POR: variants seen among roughly 807,000 people sequenced by gnomAD.
POR encodes NADPH--cytochrome P450 reductase.
A neutral mutation model predicts 84.0 loss-of-function variants in POR; 56 were observed. The ratio of observed to expected loss-of-function variants is 0.67; its 90% CI spans 0.54 to 0.83. The LOEUF is 0.83. Ranked by LOEUF, POR falls within the 40% of genes least tolerant of loss-of-function variation. The pLI is 0.00. For missense variants in POR, 938 were observed against 944.3 expected, an observed-to-expected ratio of 0.99 and a Z score of 0.09; for synonymous variants, 414 against 400.5, an observed-to-expected ratio of 1.03 and a Z score of -0.40.
At chr7:75,965,411 G>A (rs1414531709) in intron 2 of POR, among the ~76,000 whole-genome samples, 3 of 152,176 alleles carry the variant, frequency 2.0e-5, no homozygotes, top group Non-Finnish European at 2.9e-5. Context: ...CAAGGCTGAC[G>A]TTAGCACATG....
At chr7:75,933,597 C>A (rs1465938718) in intron 1 of POR, among the ~76,000 whole-genome samples, 2 of 151,914 alleles carry the variant, frequency 1.3e-5, no homozygotes, top group Non-Finnish European at 2.9e-5. Flanking sequence ...CACCATGTTG[C>A]CCAGGCTGGT....
At position 75,953,384 on chromosome 7, in the gene POR, A is replaced by G. The variant is rs189072674; in HGVS notation, c.-4-605A>G. On this transcript the variant is annotated intron_variant, in intron 1 of 15. Coordinates refer to ENST00000461988, the MANE Select transcript of POR (RefSeq NM_000941.3). The stretch of plus-strand genomic sequence containing the variant: ...AAAAAAAAAAAAAAGACTCCCAGGC[A>G]TAGGAAAGCAGGCATTCACCATAAA... Among the ~76,000 whole-genome samples, 257 of 151,726 alleles carry G rather than the reference A, an allele frequency of 1.7e-3. 12 individuals are homozygous for G. The South Asian group carries it at 0.048, about 28-fold the overall frequency.
intron 1 of POR, among the ~76,000 whole-genome samples, chr7:75,940,428 C>T (rs1204077749): frequency 6.6e-6 from 1 of 151,962 alleles, no homozygotes; most frequent in African/African-American, 2.4e-5. Flanking sequence ...AGCTGATTTC[C>T]CAATTTACGC....
chr7:75,965,501 A>T (rs1788138776), intron 2 of POR, among the ~76,000 whole-genome samples: 1 of 149,414 alleles, frequency 6.7e-6, no homozygotes, highest in African/African-American at 2.5e-5. Context: ...TGGCCACCCC[A>T]GCCCACCCCT....
intron 1 of POR, among the ~76,000 whole-genome samples, chr7:75,933,387 T>TTG (rs1807516298): frequency 1.1e-5 from 1 of 90,680 alleles, no homozygotes; most frequent in African/African-American, 8.5e-5. Flanking sequence ...TTTTTTTTTT[T>TTG]TTTTTTTTTT....
intron 5 of POR, chr7:75,980,695 A>G (rs1788966856): frequency 6.5e-7 from 1 of 1,529,112 alleles, no homozygotes; most frequent in Non-Finnish European, 8.8e-7. Context: ...AGTCGGCTCC[A>G]GGGGGCATTG....
At chr7:75,930,688 A>G (rs1807370590) in intron 1 of POR, among the ~76,000 whole-genome samples, 1 of 151,756 alleles carries the variant, frequency 6.6e-6, no homozygotes, top group African/African-American at 2.4e-5. Flanking sequence ...ACGCCCGTCT[A>G]ATTTTGTATT....
In POR at chr7:75,985,842, A is replaced by G. The variant is rs1554559203; in HGVS notation, c.1662A>G (p.Arg554=). ...TCATCCAGGAGCGGGCCTGGCTGCGACAGCAGGGTGAGTGGGGTCCCATGG... is the reference window on the plus strand; with the variant it reads ...TCATCCAGGAGCGGGCCTGGCTGCGGCAGCAGGGTGAGTGGGGTCCCATGG... Residue 554 remains arginine, a synonymous_variant, in exon 13 of 16, where the codon CGA becomes CGG. Transcript: ENST00000461988. The G allele has an allele frequency of 4.3e-5, 67 of 1,550,144 alleles. No individual in the cohort carries two copies. Among genetic ancestry groups the G allele is most frequent in the Non-Finnish European group, 5.7e-5 (65 of 1,144,334 alleles).
intron 1 of POR, among the ~76,000 whole-genome samples, chr7:75,937,408 G>A (rs1247866388): frequency 6.8e-6 from 1 of 146,126 alleles, no homozygotes. Context: ...GGAGGCGGAG[G>A]TTGCAGTGAG....
At chr7:75,953,006 C>G (rs1430355590) in intron 1 of POR, among the ~76,000 whole-genome samples, 4 of 152,194 alleles carry the variant, frequency 2.6e-5, no homozygotes, top group African/African-American at 9.7e-5. Flanking sequence ...GAGATCAAGC[C>G]ACTGCACTCC....
chr7:75,954,006 G>C lies in POR; in HGVS notation c.14G>C (p.Gly5Ala), dbSNP rs782818618. Residue 5 changes from glycine (G) to alanine (A), a missense_variant, in exon 2 of 16, where the codon GGA (glycine) becomes GCA (alanine). Physicochemically the swap from Gly to Ala is moderately conservative, Grantham distance 60 (BLOSUM62 0). Transcript: ENST00000461988. Reference sequence around the variant, plus strand: ...CCTAACAGTTTCATGATCAACATGGGAGACTCCCACGTGGACACCAGCTCC... The same window carrying C: ...CCTAACAGTTTCATGATCAACATGGCAGACTCCCACGTGGACACCAGCTCC... The C allele has an allele frequency of 6.3e-6, 10 of 1,597,992 alleles. No homozygotes were observed. The African/African-American group carries it at 1.3e-4, about 21-fold the overall frequency.
At chr7:75,966,690 T>C (rs1788197911) in intron 2 of POR, among the ~76,000 whole-genome samples, 1 of 152,162 alleles carries the variant, frequency 6.6e-6, no homozygotes, top group South Asian at 2.1e-4. Flanking sequence ...TTTCCAGAAA[T>C]GTTCCTCAGC....
Position 75,979,468 on chromosome 7 carries a change from G to A in POR, c.255G>A (p.Val85=), listed in dbSNP as rs544187501. The stretch of plus-strand genomic sequence containing the variant: ...TTCCTTAGGGGAGGAACATCATCGT[G>A]TTCTACGGCTCCCAGACGGGGACTG... Residue 85 remains valine (V), a synonymous_variant, in exon 4 of 16, where the codon GTG becomes GTA. Transcript: ENST00000461988. 1 of 1,613,382 alleles carries A rather than the reference G, an allele frequency of 6.2e-7. No homozygotes were observed. Among genetic ancestry groups the A allele is most frequent in the African/African-American group, 1.3e-5 (1 of 75,050 alleles).
intron 8 of POR, 24 bp downstream of exon 8, chr7:75,982,346 G>A (rs781827498): frequency 7.6e-6 from 12 of 1,585,038 alleles, no homozygotes; most frequent in Non-Finnish European, 1.0e-5. Context: ...GCGTGGCTTG[G>A]GGCAGACGGC....
At chr7:75,941,583 G>A (rs1348076771) in intron 1 of POR, among the ~76,000 whole-genome samples, 1 of 152,120 alleles carries the variant, frequency 6.6e-6, no homozygotes, top group Admixed American at 6.6e-5. Flanking sequence ...TCTTGTCAGA[G>A]GCCAGGTAAT....
chr7:75,969,459 G>T (rs1166454416), intron 2 of POR, among the ~76,000 whole-genome samples: 2 of 152,176 alleles, frequency 1.3e-5, no homozygotes, highest in Admixed American at 1.3e-4. Flanking sequence ...GAAGTCACAG[G>T]TTGTCTCGTT....
intron 1 of POR, among the ~76,000 whole-genome samples, chr7:75,952,615 G>C (rs1270573915): frequency 1.3e-5 from 2 of 151,230 alleles, no homozygotes; most frequent in African/African-American, 2.4e-5. Flanking sequence ...CGGGGCGGCC[G>C]GGCAGAGACG....
At chr7:75,949,539 C>T (rs1172363842) in intron 1 of POR, among the ~76,000 whole-genome samples, 1 of 151,692 alleles carries the variant, frequency 6.6e-6, no homozygotes. Flanking sequence ...GAGTCTCACT[C>T]TGTTCTCCAG....
At chr7:75,953,836 A>T (rs917019406) in intron 1 of POR, among the ~76,000 whole-genome samples, 153 bp from the exon 2 acceptor site, 19 of 152,116 alleles carry the variant, frequency 1.2e-4, no homozygotes, top group African/African-American at 4.6e-4. Context: ...TCTTGGCAGG[A>T]ACCTGGCTGA....
Sources: allele counts gnomAD v4.1 joint callset (sites outside exome capture counted in the v4.1 genomes callset), GRCh38; gene constraint gnomAD v4.1.1; transcripts MANE v1.5; gene names NCBI Gene and HGNC (gene_info 2026-07-23, HGNC 2026-07-21).